The following AUTS2 variants were observed in gnomAD, a reference collection of about 807,000 sequenced individuals.
AUTS2 encodes autism susceptibility gene 2 protein.
AUTS2 carries 17 observed loss-of-function variants against 112.4 expected under a neutral mutation model. That is an observed-to-expected ratio of 0.15 (90% CI 0.10 to 0.23). The LOEUF is 0.23. AUTS2 is among the 10% of genes least tolerant of loss of function. The probability of loss-of-function intolerance (pLI) is 1.00; values close to 1 mark genes in which losing one functional copy is unlikely to be tolerated. For missense variants in AUTS2, 1,510 were observed against 1,701.6 expected (o/e 0.89, Z 1.98); for synonymous variants, 751 against 702.7 (o/e 1.07, Z -1.09).
chr7:70,032,662 A>G (rs1008083835), intron 2 of AUTS2, among the ~76,000 whole-genome samples: 7 of 152,146 alleles, frequency 4.6e-5, no homozygotes, highest in East Asian at 1.9e-4. Context: ...TTCCCAAGCT[A>G]AAAGCCACAG....
At chr7:70,255,449 T>C (rs1220814923) in intron 4 of AUTS2, among the ~76,000 whole-genome samples, 2 of 152,156 alleles carry the variant, frequency 1.3e-5, no homozygotes, top group Non-Finnish European at 1.5e-5. Flanking sequence ...AATGATGAAA[T>C]AAGTTATCTT....
At chr7:70,146,767 C>T (rs927546826) in intron 4 of AUTS2, among the ~76,000 whole-genome samples, 2 of 152,110 alleles carry the variant, frequency 1.3e-5, no homozygotes, top group African/African-American at 2.4e-5. Flanking sequence ...CTTCCACTTC[C>T]TAGGGCTTAG....
chr7:69,826,694 T>G (rs1269509448), intron 1 of AUTS2, among the ~76,000 whole-genome samples: 1 of 152,226 alleles, frequency 6.6e-6, no homozygotes, highest in Non-Finnish European at 1.5e-5. Context: ...CTTTCACTTT[T>G]AGTCTATTGT....
intron 6 of AUTS2, among the ~76,000 whole-genome samples, chr7:70,752,126 G>C (rs73706463): frequency 0.02 from 3,055 of 152,108 alleles, 87 homozygotes; most frequent in African/African-American, 0.063. Flanking sequence ...GGGTGGACAG[G>C]CCAGGACAGC....
intron 1 of AUTS2, among the ~76,000 whole-genome samples, chr7:69,634,244 C>T (rs1583979813): frequency 2.0e-5 from 3 of 151,660 alleles, no homozygotes; most frequent in Admixed American, 6.6e-5. Context: ...CTCAGCCTCC[C>T]GAGTAGCTGG....
chr7:70,460,755 G>T (rs12533923), intron 5 of AUTS2, among the ~76,000 whole-genome samples: 3,474 of 152,202 alleles, frequency 0.023, 82 homozygotes, highest in Admixed American at 0.075. Context: ...GAATGTCTCT[G>T]TCTCCATTTC....
intron 6 of AUTS2, among the ~76,000 whole-genome samples, chr7:70,716,506 G>A (rs1452663939): frequency 6.6e-6 from 1 of 151,862 alleles, no homozygotes; most frequent in East Asian, 1.9e-4. Context: ...GGTGGCAGGC[G>A]CCTGTAGTCC....
intron 1 of AUTS2, among the ~76,000 whole-genome samples, chr7:69,612,965 T>C (rs777098125): frequency 3.3e-5 from 5 of 152,218 alleles, no homozygotes; most frequent in Non-Finnish European, 7.3e-5. Flanking sequence ...AGGGAGCTGC[T>C]ATTTACTATT....
At chr7:70,511,464 T>C (rs1424952303) in intron 5 of AUTS2, among the ~76,000 whole-genome samples, 1 of 150,762 alleles carries the variant, frequency 6.6e-6, no homozygotes, top group Non-Finnish European at 1.5e-5. Flanking sequence ...TAATCACACA[T>C]CCCAGTTTCC....
chr7:70,356,520 A>G (rs1368803546), intron 4 of AUTS2, among the ~76,000 whole-genome samples: 1 of 152,176 alleles, frequency 6.6e-6, no homozygotes, highest in Admixed American at 6.5e-5. Flanking sequence ...TGGGTTTGTT[A>G]TTGCAGATAG....
intron 4 of AUTS2, among the ~76,000 whole-genome samples, chr7:70,348,306 A>T (rs766006675): frequency 6.6e-6 from 1 of 152,234 alleles, no homozygotes; most frequent in African/African-American, 2.4e-5. Context: ...GATTTGTCCA[A>T]TTGTTTCCCC....
intron 4 of AUTS2, among the ~76,000 whole-genome samples, chr7:70,401,992 C>T (rs1794345572): frequency 6.6e-6 from 1 of 152,226 alleles, no homozygotes; most frequent in South Asian, 2.1e-4. Flanking sequence ...CAACTCATAA[C>T]CTTCTATACA....
intron 1 of AUTS2, among the ~76,000 whole-genome samples, chr7:69,645,732 G>A (rs1049658936): frequency 5.9e-5 from 9 of 152,132 alleles, no homozygotes; most frequent in African/African-American, 1.9e-4. Flanking sequence ...GGGGTTATGG[G>A]GCAGGGGGAG....
At chr7:69,770,869 AC>A (rs1788633222) in intron 1 of AUTS2, among the ~76,000 whole-genome samples, 1 of 152,072 alleles carries the variant, frequency 6.6e-6, no homozygotes, top group African/African-American at 2.4e-5. Flanking sequence ...TAAATATAAA[AC>A]CGATCTGTTC....
At chr7:70,638,051 A>C (rs1805615754) in intron 5 of AUTS2, among the ~76,000 whole-genome samples, 1 of 152,150 alleles carries the variant, frequency 6.6e-6, no homozygotes, top group Non-Finnish European at 1.5e-5. Context: ...GTTGGAAATA[A>C]AGACACAGAA....
intron 14 of AUTS2, among the ~76,000 whole-genome samples, chr7:70,780,313 A>G (rs536491462): frequency 1.3e-5 from 2 of 152,326 alleles, no homozygotes; most frequent in South Asian, 4.1e-4. Context: ...TTAAGACCCA[A>G]TTTCTACTGC....
rs763228966 is a variant in AUTS2 at position 70,790,375 on chromosome 7, C to T, written c.3159C>T (p.Ser1053=). ...TRMMTPFMGI[S]PLPGGERFPY... ...TGATGACCCCCTTCATGGGCATCAG[C>T]CCCCTCCCGGGCGGAGAGCGCTTCC... Residue 1053 remains serine (S), a synonymous_variant, in exon 19 of 19, where the codon AGC becomes AGT. Coordinates refer to ENST00000342771, the MANE Select transcript of AUTS2 (RefSeq NM_015570.4). The surrounding 1 kb of genome is among the most constrained non-coding windows in gnomAD (Gnocchi z 7.6). 29 of 1,613,874 alleles carry T rather than the reference C, an allele frequency of 1.8e-5. No homozygotes were observed. The highest frequency in any genetic ancestry group is 3.3e-4 in the Middle Eastern group (2 of 6,060).
chr7:69,899,231 G>A lies in AUTS2; in HGVS notation c.310-55G>A. On this transcript the variant is annotated intron_variant, in intron 1 of 18. Transcript: ENST00000342771. ...AGTATTTAGCCTATATTTTGGGTGT[G>A]ACCCTAGATACCTTTGTAACCACCA... 5.2e-6 allele frequency: 7 copies of A among 1,355,126 alleles called. No homozygotes were observed. The South Asian group carries it at 8.2e-5, about 16-fold the overall frequency. The allele number at this position is 1,355,126 out of a possible 1,614,324, so 83.9% of individuals were successfully genotyped here. A position where few individuals can be genotyped will look rare whatever the true frequency, so the allele number is the denominator to read the frequency against.
At chr7:69,648,006 C>G (rs976355038) in intron 1 of AUTS2, among the ~76,000 whole-genome samples, 4 of 152,068 alleles carry the variant, frequency 2.6e-5, no homozygotes, top group African/African-American at 9.7e-5. Context: ...CCAGTATGCC[C>G]TCGTTTTAAC....
Sources: gnomAD v4.1 joint callset for allele counts (sites outside exome capture counted in the v4.1 genomes callset) on GRCh38, gnomAD v4.1.1 for gene constraint, Gnocchi (gnomAD v3.1) non-coding constraint, MANE v1.5 for transcripts, NCBI Gene and HGNC (gene_info 2026-07-23, HGNC 2026-07-21) for gene names.